Variants in PCSK6 observed in about 807,000 individuals in gnomAD.
The protein encoded by PCSK6 is proprotein convertase subtilisin/kexin type 6.
Under a neutral mutation model 123.3 loss-of-function variants are expected in PCSK6, and 85 were observed. That is an observed-to-expected ratio of 0.69 (90% CI 0.58 to 0.83). The LOEUF (loss-of-function observed/expected upper bound fraction) is 0.83, where lower values mean the gene tolerates loss of function less well. PCSK6 is among the 40% of genes least tolerant of loss of function. PCSK6 has a pLI of 0.00. For synonymous variants in PCSK6, 508 were observed against 516.0 expected (o/e 0.98, Z 0.21); for missense variants, 1,191 against 1,282.3 (o/e 0.93, Z 1.09).
At chr15:101,442,648 A>G (rs2056786411) in intron 2 of PCSK6, among the ~76,000 whole-genome samples, 1 of 152,126 alleles carries the variant, frequency 6.6e-6, no homozygotes, top group African/African-American at 2.4e-5. Context: ...AAATAGCTGA[A>G]ATAATATTGT....
intron 13 of PCSK6, among the ~76,000 whole-genome samples, chr15:101,362,014 T>C (rs957810529): frequency 2.2e-5 from 3 of 139,354 alleles, no homozygotes; most frequent in Non-Finnish European, 4.5e-5. Flanking sequence ...TGGAGTGCAG[T>C]GGCGCAATCT....
At chr15:101,342,514 T>A (rs980029037) in intron 13 of PCSK6, among the ~76,000 whole-genome samples, 6 of 152,234 alleles carry the variant, frequency 3.9e-5, no homozygotes, top group African/African-American at 1.4e-4. Context: ...GTTTTCTTGA[T>A]ATTGGGCTTA....
intron 1 of PCSK6, among the ~76,000 whole-genome samples, chr15:101,458,382 G>T (rs900190552): frequency 1.3e-5 from 2 of 152,144 alleles, no homozygotes; most frequent in East Asian, 3.8e-4. Flanking sequence ...AAACCCAAAT[G>T]CCGTAGAGAC....
chr15:101,305,998 A>G lies in PCSK6; in HGVS notation c.2813-643T>C, dbSNP rs2039714985. On this transcript the variant is annotated intron_variant, in intron 21 of 21. Transcript: ENST00000611716. The surrounding 1 kb of genome is among the most constrained non-coding windows in gnomAD (Gnocchi z 4.8). ...CACCCAGCCTGGGCCTGTGGGGCACATGTGCACCTGTCTTTCTGGACAACT... is the reference window on the plus strand; with the variant it reads ...CACCCAGCCTGGGCCTGTGGGGCACGTGTGCACCTGTCTTTCTGGACAACT... Among the ~76,000 whole-genome samples, 1 of 152,144 alleles carries G rather than the reference A, an allele frequency of 6.6e-6. No individual in the cohort carries two copies. The highest frequency in any genetic ancestry group is 2.1e-4 in the South Asian group (1 of 4,830).
intron 1 of PCSK6, among the ~76,000 whole-genome samples, chr15:101,452,272 T>G (rs2057054802): frequency 6.6e-6 from 1 of 152,200 alleles, no homozygotes; most frequent in South Asian, 2.1e-4. Flanking sequence ...AACGTTTAAT[T>G]TCTACATGTG....
chr15:101,377,819 TG>T (rs1239770897), intron 11 of PCSK6, among the ~76,000 whole-genome samples: 6 of 152,188 alleles, frequency 3.9e-5, no homozygotes, highest in Non-Finnish European at 5.9e-5. Flanking sequence ...GTGTCTTGTG[TG>T]GGTTGTGGGT....
intron 8 of PCSK6, among the ~76,000 whole-genome samples, chr15:101,390,847 T>C (rs904983099): frequency 3.3e-5 from 5 of 152,188 alleles, no homozygotes; most frequent in African/African-American, 7.2e-5. Context: ...AGATATCAAT[T>C]TGTGCTGTTT....
intron 11 of PCSK6, among the ~76,000 whole-genome samples, chr15:101,376,648 T>G (rs533641874): frequency 6.6e-6 from 1 of 152,324 alleles, no homozygotes; most frequent in South Asian, 2.1e-4. Flanking sequence ...CAAATCCTAA[T>G]TTTAGAAATA....
At chr15:101,438,442 C>G (rs2056664336) in intron 2 of PCSK6, among the ~76,000 whole-genome samples, 1 of 152,204 alleles carries the variant, frequency 6.6e-6, no homozygotes, top group South Asian at 2.1e-4. Flanking sequence ...CTTCAGGAAG[C>G]ATTGTCTACT....
chr15:101,341,944 A>G (rs999937953), intron 13 of PCSK6, among the ~76,000 whole-genome samples: 1 of 152,118 alleles, frequency 6.6e-6, no homozygotes, highest in Non-Finnish European at 1.5e-5. Context: ...AGTCCGGCCA[A>G]CATGGCGAAA....
At chr15:101,420,840 C>A (rs1428907649) in intron 6 of PCSK6, among the ~76,000 whole-genome samples, 1 of 152,246 alleles carries the variant, frequency 6.6e-6, no homozygotes, top group African/African-American at 2.4e-5. Context: ...ATGAAGATGG[C>A]ACATGCCTCT....
chr15:101,310,924 C>T (rs959746460), intron 20 of PCSK6, among the ~76,000 whole-genome samples: 2 of 152,122 alleles, frequency 1.3e-5, no homozygotes, highest in Non-Finnish European at 1.5e-5. Flanking sequence ...GGAAGCCCCC[C>T]GATATGGTTT....
chr15:101,424,057 A>G (rs1370357239), intron 6 of PCSK6, among the ~76,000 whole-genome samples: 1 of 151,848 alleles, frequency 6.6e-6, no homozygotes, highest in African/African-American at 2.4e-5. Context: ...ATCTCATCCT[A>G]CAAGGAAAAA....
At chr15:101,377,793 G>A (rs1306791658) in intron 11 of PCSK6, among the ~76,000 whole-genome samples, 2 of 152,202 alleles carry the variant, frequency 1.3e-5, no homozygotes, top group Non-Finnish European at 2.9e-5. Context: ...GCAACACATT[G>A]GCTTTTGGGT....
intron 11 of PCSK6, 79 bp from the exon 12 acceptor site, chr15:101,370,602 G>C (rs575886376): frequency 1.5e-6 from 2 of 1,299,482 alleles, no homozygotes; most frequent in Middle Eastern, 2.9e-4. Flanking sequence ...TCCAGCGCCC[G>C]TCCACTCTAT....
intron 1 of PCSK6, among the ~76,000 whole-genome samples, chr15:101,474,390 T>C (rs2057677106): frequency 6.6e-6 from 1 of 152,126 alleles, no homozygotes; most frequent in Admixed American, 6.5e-5. Context: ...AGAGGACACG[T>C]GGAAAGCTAA....
intron 6 of PCSK6, among the ~76,000 whole-genome samples, chr15:101,403,709 CTTTATTTA>C (rs71287805): frequency 0.011 from 1,706 of 151,894 alleles, 15 homozygotes; most frequent in Non-Finnish European, 0.018. Context: ...ATGCCATTGC[CTTTATTTA>C]TTTATTTATT....
intron 6 of PCSK6, among the ~76,000 whole-genome samples, chr15:101,424,034 G>A (rs1353806139): frequency 6.6e-6 from 1 of 152,146 alleles, no homozygotes; most frequent in Non-Finnish European, 1.5e-5. Flanking sequence ...TCCAGCCTGG[G>A]CAACACAGCA....
At chr15:101,323,198 T>G (rs1045250579) in intron 17 of PCSK6, among the ~76,000 whole-genome samples, 2 of 152,172 alleles carry the variant, frequency 1.3e-5, no homozygotes, top group African/African-American at 4.8e-5. Context: ...GCCTGGGAGC[T>G]AACAGCTGCT....
Sources: allele counts gnomAD v4.1 joint callset (sites outside exome capture counted in the v4.1 genomes callset), GRCh38; gene constraint gnomAD v4.1.1; non-coding constraint Gnocchi (gnomAD v3.1); transcripts MANE v1.5; gene names NCBI Gene and HGNC (gene_info 2026-07-23, HGNC 2026-07-21).